SHANK2: variants seen among roughly 807,000 people sequenced by gnomAD.
SHANK2 encodes the protein SH3 and multiple ankyrin repeat domains 2.
In SHANK2, 43 loss-of-function variants were observed where a neutral mutation model predicts 133.7. That is an observed-to-expected ratio of 0.32 (90% CI 0.25 to 0.41). SHANK2 has a LOEUF of 0.41. Ranked by LOEUF, SHANK2 falls within the 10% of genes least tolerant of loss-of-function variation. SHANK2 has a pLI of 1.00. For missense variants in SHANK2, 1,994 were observed against 2,235.8 expected, an observed-to-expected ratio of 0.89 and a Z score of 2.18; for synonymous variants, 1,017 against 952.8, an observed-to-expected ratio of 1.07 and a Z score of -1.24.
chr11:71,141,685 A>C (rs1555105829), intron 3 of SHANK2, among the ~76,000 whole-genome samples: 1 of 152,176 alleles, frequency 6.6e-6, no homozygotes, highest in East Asian at 1.9e-4. Context: ...ATGGGCTAAT[A>C]CAATGTCTCA....
chr11:71,139,677 C>G (rs1474576704), intron 3 of SHANK2, among the ~76,000 whole-genome samples: 3 of 152,324 alleles, frequency 2.0e-5, no homozygotes, highest in South Asian at 2.1e-4. Context: ...CCAGAGCCAG[C>G]ACTCCACCAC....
rs188346564 is a variant in SHANK2 at position 70,647,112 on chromosome 11, T to A, written c.2061+12716A>T. 2.7e-3 allele frequency among the ~76,000 whole-genome samples: 417 copies of A among 152,166 alleles called. 3 individuals carry two copies. The highest frequency in any genetic ancestry group is 4.1e-3 in the Non-Finnish European group (281 of 68,008). On this transcript the variant is annotated intron_variant, in intron 17 of 25. Transcript: ENST00000601538. Reference sequence around the variant, plus strand: ...AACTCTTGACCTCAGGGGATCTGCCTGCCTTGGCCTCCCAAAGTGCTGGGA... The same window carrying A: ...AACTCTTGACCTCAGGGGATCTGCCAGCCTTGGCCTCCCAAAGTGCTGGGA...
At chr11:71,209,856 C>T (rs1156861173) in intron 2 of SHANK2, among the ~76,000 whole-genome samples, 1 of 152,088 alleles carries the variant, frequency 6.6e-6, no homozygotes, top group Non-Finnish European at 1.5e-5. Context: ...GCCTGCCTGG[C>T]ACCCCGTGGG....
intron 10 of SHANK2, among the ~76,000 whole-genome samples, chr11:70,919,021 G>A (rs975105588): frequency 3.9e-5 from 6 of 151,922 alleles, no homozygotes; most frequent in Non-Finnish European, 7.4e-5. Context: ...AAAATGTACC[G>A]GGTGTGGTGG....
At chr11:70,510,737 A>C (rs1283300600) in intron 17 of SHANK2, among the ~76,000 whole-genome samples, 1 of 152,206 alleles carries the variant, frequency 6.6e-6, no homozygotes, top group Non-Finnish European at 1.5e-5. Flanking sequence ...GTCATAGCAC[A>C]GTGAGTCCTA....
chr11:70,710,741 C>T (rs562942925), intron 14 of SHANK2, among the ~76,000 whole-genome samples: 1 of 152,274 alleles, frequency 6.6e-6, no homozygotes, highest in African/African-American at 2.4e-5. Flanking sequence ...GACTCCTCCC[C>T]GAGCCTGCAG....
chr11:70,583,380 T>C (rs2060208584), intron 17 of SHANK2, among the ~76,000 whole-genome samples: 1 of 152,088 alleles, frequency 6.6e-6, no homozygotes, highest in Non-Finnish European at 1.5e-5. Flanking sequence ...GGCCAGCGTG[T>C]GGCAGCAGCA....
At chr11:71,098,020 GTGTGTGCATGCCTGTGTGTGCA>G (rs1951651413) in intron 6 of SHANK2, among the ~76,000 whole-genome samples, 2 of 150,818 alleles carry the variant, frequency 1.3e-5, no homozygotes, top group South Asian at 2.1e-4. Context: ...GTGTGCCTAT[GTGTGTGCATGCCTGTGTGTGCA>G]TGTGTGCATG....
chr11:70,791,402 A>G (rs142130489), intron 14 of SHANK2, among the ~76,000 whole-genome samples: 6 of 152,340 alleles, frequency 3.9e-5, no homozygotes, highest in Non-Finnish European at 8.8e-5. Context: ...CTTGCATATA[A>G]TAACAACATA....
intron 14 of SHANK2, among the ~76,000 whole-genome samples, chr11:70,736,865 G>T (rs909446144): frequency 6.6e-6 from 1 of 152,102 alleles, no homozygotes; most frequent in Non-Finnish European, 1.5e-5. Flanking sequence ...AGAACCAAAC[G>T]GTTTGTCAAG....
At chr11:70,924,452 CTTT>C (rs1555081192) in intron 10 of SHANK2, among the ~76,000 whole-genome samples, 1 of 152,106 alleles carries the variant, frequency 6.6e-6, no homozygotes, top group Non-Finnish European at 1.5e-5. Context: ...TTGCCTGATA[CTTT>C]TTTAAAAATT....
At chr11:71,192,803 T>G (rs1208118846) in intron 2 of SHANK2, among the ~76,000 whole-genome samples, 2 of 152,212 alleles carry the variant, frequency 1.3e-5, no homozygotes, top group Non-Finnish European at 2.9e-5. Context: ...TCAGAGGCTA[T>G]CAGCTCATAA....
intron 2 of SHANK2, among the ~76,000 whole-genome samples, chr11:71,176,489 T>C (rs1409308691): frequency 1.3e-5 from 2 of 152,224 alleles, no homozygotes; most frequent in African/African-American, 4.8e-5. Context: ...AACTGTATTC[T>C]GTATGTTCAA....
At chr11:71,094,467 G>A (rs1351793765) in intron 7 of SHANK2, 70 bp downstream of exon 7, 14 of 1,464,958 alleles carry the variant, frequency 9.6e-6, no homozygotes, top group Non-Finnish European at 1.2e-5. Context: ...GGCACTGCGG[G>A]GATGGGATGG....
intron 17 of SHANK2, among the ~76,000 whole-genome samples, chr11:70,656,371 G>T (rs1405539816): frequency 2.0e-5 from 3 of 151,870 alleles, no homozygotes; most frequent in Non-Finnish European, 4.4e-5. Flanking sequence ...CCTCACCTCT[G>T]ACCTGCATAG....
chr11:71,059,709 A>G (rs1233455633), intron 9 of SHANK2, among the ~76,000 whole-genome samples: 1 of 152,180 alleles, frequency 6.6e-6, no homozygotes, highest in African/African-American at 2.4e-5. Flanking sequence ...CCGGCAGCTA[A>G]GAGTGTGGGC....
intron 17 of SHANK2, among the ~76,000 whole-genome samples, chr11:70,552,743 C>T (rs910357441): frequency 5.3e-5 from 8 of 152,250 alleles, no homozygotes; most frequent in African/African-American, 1.9e-4. Context: ...TCACCGTGTC[C>T]AGCTGCATCG....
At chr11:70,826,442 C>T (rs1220543817) in intron 11 of SHANK2, 2 of 470,914 alleles carry the variant, frequency 4.2e-6, no homozygotes, top group Non-Finnish European at 8.8e-6. Flanking sequence ...CCCATGCACC[C>T]GGCTCCCGAC....
chr11:71,092,333 C>T (rs1951531872), intron 8 of SHANK2, 89 bp downstream of exon 8: 8 of 1,442,210 alleles, frequency 5.5e-6, no homozygotes, highest in Non-Finnish European at 7.6e-6. Flanking sequence ...AGGATCTAAC[C>T]TTTGGGCCAC....
Sources: gnomAD v4.1 joint callset for allele counts (sites outside exome capture counted in the v4.1 genomes callset) on GRCh38, gnomAD v4.1.1 for gene constraint, MANE v1.5 for transcripts, NCBI Gene and HGNC (gene_info 2026-07-23, HGNC 2026-07-21) for gene names.